Variants in FRMD6 observed in about 807,000 individuals in gnomAD.
FRMD6 encodes FERM domain-containing protein 6.
In FRMD6, 37 loss-of-function variants were observed where a neutral mutation model predicts 73.2. The ratio of observed to expected loss-of-function variants is 0.51; its 90% CI spans 0.39 to 0.66. The LOEUF is 0.66. Among genes scored for constraint, FRMD6 ranks in the 30% least tolerant of loss-of-function variants. FRMD6 has a pLI of 0.00. For missense variants in FRMD6, 714 were observed against 780.5 expected, an observed-to-expected ratio of 0.91 and a Z score of 1.02; for synonymous variants, 273 against 282.2, an observed-to-expected ratio of 0.97 and a Z score of 0.33.
chr14:51,667,160 G>T (rs1018916290), intron 1 of FRMD6, among the ~76,000 whole-genome samples: 1 of 151,918 alleles, frequency 6.6e-6, no homozygotes, highest in African/African-American at 2.4e-5. Context: ...AAAAAAATCA[G>T]ATGTGAATAG....
rs146092298 is a variant in FRMD6, at chr14:51,702,955, T to A, written c.371+367T>A. Among the ~76,000 whole-genome samples, 38 of 152,206 alleles carry A rather than the reference T, an allele frequency of 2.5e-4. No individual in the cohort carries two copies. The East Asian group carries it at 7.0e-3, about 28-fold the overall frequency. On this transcript the variant is annotated intron_variant, in intron 5 of 13. Coordinates refer to ENST00000344768, the MANE Select transcript of FRMD6 (RefSeq NM_001267046.2). Reference sequence around the variant, plus strand: ...TTTTGTAAAGAGTGAGGAGGTTGATTAAAAGATTATGTTCTTTTCCAGTGG... The same window carrying A: ...TTTTGTAAAGAGTGAGGAGGTTGATAAAAAGATTATGTTCTTTTCCAGTGG...
upstream of FRMD6, among the ~76,000 whole-genome samples, chr14:51,487,643 A>G (rs1882799903): frequency 6.6e-6 from 1 of 152,220 alleles, no homozygotes; most frequent in Non-Finnish European, 1.5e-5. Context: ...TTTGCGCATT[A>G]TTTTTTAAAA....
chr14:51,547,147 G>A (rs1273661064), intron 1 of FRMD6, among the ~76,000 whole-genome samples: 1 of 152,012 alleles, frequency 6.6e-6, no homozygotes, highest in Non-Finnish European at 1.5e-5. Context: ...GTGTTTTGCT[G>A]TCAAATTTGT....
intron 2 of FRMD6, among the ~76,000 whole-genome samples, chr14:51,601,174 C>A (rs1382777806): frequency 1.3e-5 from 2 of 152,154 alleles, no homozygotes; most frequent in Non-Finnish European, 2.9e-5. Context: ...AGCTGAGCTC[C>A]AGCTTTTGAA....
upstream of FRMD6, among the ~76,000 whole-genome samples, chr14:51,647,108 A>G (rs78122190): frequency 0.038 from 5,772 of 152,330 alleles, 169 homozygotes; most frequent in Non-Finnish European, 0.056. Context: ...CCTGTAAACC[A>G]TATTAAAATG....
In FRMD6 at chr14:51,727,813, C is replaced by A; in HGVS notation, c.1653C>A (p.Tyr551Ter). The A allele has an allele frequency of 6.2e-7, 1 of 1,614,062 alleles. No homozygotes were observed. The highest frequency in any genetic ancestry group is 8.5e-7 in the Non-Finnish European group (1 of 1,179,906). The change falls in exon 14 of 14, where the codon TAC becomes TAA. Residue 551 changes from tyrosine to a stop codon, truncating the protein, a stop_gained. Transcript: ENST00000344768. LOFTEE classifies it high-confidence loss of function. ...TGAGCCTCGATGACATCAGACTTTA[C>A]CAGAAAGACTTCCTGCGCATTGCAG... Reference protein sequence around the residue: ...HSLSLDDIRLYQKDFLRIAGL... With the variant: ...HSLSLDDIRL
chr14:51,718,813 T>A (rs1412420463), intron 10 of FRMD6, among the ~76,000 whole-genome samples: 1 of 149,656 alleles, frequency 6.7e-6, no homozygotes, highest in Non-Finnish European at 1.5e-5. Flanking sequence ...TCTCCAAGCA[T>A]TTTTTTTTTG....
chr14:51,429,580 G>A, the FRMD6 span, among the ~76,000 whole-genome samples: 27,483 of 152,048 alleles, frequency 0.18, 2,697 homozygotes, highest in Middle Eastern at 0.31. Flanking sequence ...GACATCTCAT[G>A]CGTTTGGACA....
rs115452729 is a variant in FRMD6, at chr14:51,702,301, T to C, written c.295-211T>C. 4.0e-3 allele frequency among the ~76,000 whole-genome samples: 612 copies of C among 152,156 alleles called. 4 individuals carry two copies. Among genetic ancestry groups the C allele is most frequent in the African/African-American group, 0.014 (573 of 41,546 alleles). ...AAAATCAGATAGAAGGATGGTGCCCTGTTTCGCTTTATAACTTCCTAATTG... is the reference window on the plus strand; with the variant it reads ...AAAATCAGATAGAAGGATGGTGCCCCGTTTCGCTTTATAACTTCCTAATTG... On this transcript the variant is annotated intron_variant, in intron 4 of 13. Transcript: ENST00000344768.
chr14:51,656,559 G>T (rs757152820), intron 1 of FRMD6, among the ~76,000 whole-genome samples: 3 of 151,872 alleles, frequency 2.0e-5, no homozygotes, highest in Non-Finnish European at 2.9e-5. Context: ...GATTATAGGT[G>T]CCTGCCACCA....
intron 2 of FRMD6, among the ~76,000 whole-genome samples, chr14:51,635,517 T>C (rs1594633248): frequency 1.3e-5 from 2 of 152,320 alleles, no homozygotes; most frequent in South Asian, 4.1e-4. Context: ...AAGCCCTTGG[T>C]TATCCAATTT....
At chr14:51,693,061 C>A (rs1199146441) in intron 2 of FRMD6, among the ~76,000 whole-genome samples, 2 of 152,108 alleles carry the variant, frequency 1.3e-5, no homozygotes, top group African/African-American at 4.8e-5. Flanking sequence ...TTCTGTCTTC[C>A]CTCTATAGAA....
rs150650290 is a variant in FRMD6 at position 51,569,049 on chromosome 14, T to C, written c.-209-1299T>C. Among the ~76,000 whole-genome samples, 659 of 152,230 alleles carry C rather than the reference T, an allele frequency of 4.3e-3. 1 individual carries two copies. Among genetic ancestry groups the C allele is most frequent in the African/African-American group, 0.015 (611 of 41,540 alleles). On this transcript the variant is annotated intron_variant, in intron 1 of 14. Coordinates refer to the FRMD6 transcript ENST00000356218. ...TTGGTAGAGACAGGTTTTCACCACGTTGGCCAGGCTGGTCTCGAACTCCTG... is the reference window on the plus strand; with the variant it reads ...TTGGTAGAGACAGGTTTTCACCACGCTGGCCAGGCTGGTCTCGAACTCCTG...
rs1898150154 is a variant in FRMD6 at position 51,729,469 on chromosome 14, C to T, written c.*1440C>T. ...TGATGTAAAGTAAAAACGTAGTTCA[C>T]ACTTCAGGAGAGAACTTCATAGCAC... On this transcript the variant is annotated 3_prime_UTR_variant, in exon 14 of 14. Coordinates refer to ENST00000344768, the MANE Select transcript of FRMD6 (RefSeq NM_001267046.2). The T allele has an allele frequency of 6.6e-6, 1 of 152,620 alleles. No individual in the cohort carries two copies. Among genetic ancestry groups the T allele is most frequent in the South Asian group, 2.1e-4 (1 of 4,832 alleles). The allele number at this position is 152,620 out of a possible 1,614,324, so 9.5% of individuals were successfully genotyped here.
Position 51,594,338 on chromosome 14 carries a change from A to ATTTATTTTTTTT in FRMD6, c.-147+23931_-147+23932insATTTTTTTTTTT, listed in dbSNP as rs894725911. On this transcript the variant is annotated intron_variant, in intron 2 of 14. Coordinates refer to the FRMD6 transcript ENST00000356218. ...TATTTATTTATTTATTTATTTATTT[A>ATTTATTTTTTTT]TTTTTTTGAGACGGAGTTTCACTCT... 4.7e-4 allele frequency among the ~76,000 whole-genome samples: 55 copies of ATTTATTTTTTTT among 117,896 alleles called. 1 individual carries two copies. Among genetic ancestry groups the ATTTATTTTTTTT allele is most frequent in the Middle Eastern group, 4.5e-3 (1 of 220 alleles). The allele number at this position is 117,896 out of a possible 152,430, so 77.3% of individuals were successfully genotyped here. A position where few individuals can be genotyped will look rare whatever the true frequency, so the allele number is the denominator to read the frequency against.
At chr14:51,647,406 A>G (rs890006801), upstream of FRMD6, among the ~76,000 whole-genome samples, 10 of 152,232 alleles carry the variant, frequency 6.6e-5, no homozygotes, top group African/African-American at 2.4e-4. Context: ...TAAGCATTAA[A>G]GTCTCTTTGG....
intron 1 of FRMD6, among the ~76,000 whole-genome samples, chr14:51,535,475 A>G (rs1445991274): frequency 1.3e-5 from 2 of 152,204 alleles, no homozygotes; most frequent in Non-Finnish European, 1.5e-5. Context: ...GACATGGAAT[A>G]TGTATAGTCT....
the FRMD6 span, among the ~76,000 whole-genome samples, chr14:51,441,747 A>T: frequency 6.6e-6 from 1 of 152,210 alleles, no homozygotes; most frequent in Non-Finnish European, 1.5e-5. Context: ...AGCTCCAAGA[A>T]GGTACATAGA....
chr14:51,651,374 G>A (rs1177781818), upstream of FRMD6: 2 of 152,416 alleles, frequency 1.3e-5, no homozygotes, highest in African/African-American at 4.8e-5. Context: ...CCTTCTCTCG[G>A]AGTGGCCTCC....
Sources: gnomAD v4.1 joint callset for allele counts (sites outside exome capture counted in the v4.1 genomes callset) on GRCh38, gnomAD v4.1.1 for gene constraint, MANE v1.5 for transcripts, NCBI Gene and HGNC (gene_info 2026-07-23, HGNC 2026-07-21) for gene names.